The following FAM161A variants were observed in gnomAD, a reference collection of about 807,000 sequenced individuals.
FAM161A encodes the protein FAM161 centrosomal protein A.
In FAM161A, 57 loss-of-function variants were observed where a neutral mutation model predicts 70.9. The observed-to-expected ratio is 0.80, with a 90% confidence interval of 0.65 to 1.00. FAM161A has a LOEUF of 1.00. Among genes scored for constraint, FAM161A ranks in the 50% least tolerant of loss-of-function variants. FAM161A has a pLI of 0.00. For synonymous variants in FAM161A, 299 were observed against 295.7 expected, an observed-to-expected ratio of 1.01 and a Z score of -0.12; for missense variants, 880 against 836.0, an observed-to-expected ratio of 1.05 and a Z score of -0.65.
At chr2:61,811,593 G>C in the FAM161A span, among the ~76,000 whole-genome samples, 1 of 152,022 alleles carries the variant, frequency 6.6e-6, no homozygotes, top group Non-Finnish European at 1.5e-5. Flanking sequence ...GGTTGGTCTC[G>C]AACTCCTGAC....
intron 1 of FAM161A, among the ~76,000 whole-genome samples, chr2:61,850,744 C>G (rs1673470001): frequency 6.6e-6 from 1 of 152,064 alleles, no homozygotes. Context: ...GAGAGTGAAA[C>G]TCTGTCTCAA....
At chr2:61,836,939 G>C in intron 4 of FAM161A, 1 of 167,130 alleles carries the variant, frequency 6.0e-6, no homozygotes, top group Non-Finnish European at 1.4e-5. Flanking sequence ...AATCATGGCT[G>C]ACTGCAGCTT....
chr2:61,818,725 A>C, the FAM161A span, among the ~76,000 whole-genome samples: 1 of 152,256 alleles, frequency 6.6e-6, no homozygotes, highest in African/African-American at 2.4e-5. Flanking sequence ...TAATAGAATT[A>C]GAAAATGACC....
At chr2:61,853,721 C>T in intron 1 of FAM161A, 138 bp downstream of exon 1, 1 of 873,730 alleles carries the variant, frequency 1.1e-6, no homozygotes, top group African/African-American at 1.7e-5. Flanking sequence ...AGGGGCTGGG[C>T]CAGGACCACC....
chr2:61,818,339 A>G, the FAM161A span, among the ~76,000 whole-genome samples: 1 of 152,172 alleles, frequency 6.6e-6, no homozygotes, highest in African/African-American at 2.4e-5. Flanking sequence ...TACAGGTGTG[A>G]GCCACCGTCC....
chr2:61,848,575 T>A (rs1157961491), intron 1 of FAM161A, among the ~76,000 whole-genome samples: 1 of 151,670 alleles, frequency 6.6e-6, no homozygotes, highest in African/African-American at 2.4e-5. Flanking sequence ...GCTTGACCCA[T>A]TTAGATAATG....
Position 61,840,486 on chromosome 2 carries a change from G to A in FAM161A, c.518C>T (p.Ser173Phe), listed in dbSNP as rs1175957897. 2 of 1,614,012 alleles carry A rather than the reference G, an allele frequency of 1.2e-6. No individual in the cohort carries two copies. Among genetic ancestry groups the A allele is most frequent in the South Asian group, 1.1e-5 (1 of 91,078 alleles). Residue 173 changes from serine to phenylalanine, a missense_variant, in exon 3 of 7, where the codon TCC (serine) becomes TTC (phenylalanine). Physicochemically the swap from Ser to Phe is radical, Grantham distance 155. Coordinates refer to ENST00000404929, the MANE Select transcript of FAM161A (RefSeq NM_001201543.2). Reference protein sequence around the residue: ...LGQSSSLYVSSSEEELPNLEK... With the variant: ...LGQSSSLYVSFSEEELPNLEK... ...TAGGTTGGGTAACTCCTCTTCAGAGGAGGACACATACAAGGAGGAAGACTG... is the reference window on the plus strand; with the variant it reads ...TAGGTTGGGTAACTCCTCTTCAGAGAAGGACACATACAAGGAGGAAGACTG...
chr2:61,820,200 C>G, downstream of FAM161A: 1 of 556,468 alleles, frequency 1.8e-6, no homozygotes, highest in Non-Finnish European at 3.2e-6. Context: ...CCACTGCTGT[C>G]ATGTCTAAGT....
chr2:61,801,922 A>C, the FAM161A span, among the ~76,000 whole-genome samples: 1 of 152,032 alleles, frequency 6.6e-6, no homozygotes, highest in East Asian at 1.9e-4. Context: ...ATGTAATACA[A>C]CTTTAAAAAA....
the FAM161A span, among the ~76,000 whole-genome samples, chr2:61,808,448 A>G: frequency 4.6e-5 from 7 of 151,752 alleles, no homozygotes; most frequent in Non-Finnish European, 1.0e-4. Context: ...AATTCTTTGT[A>G]TTTTTAGTAG....
In FAM161A at chr2:61,826,403, C is replaced by T; in HGVS notation, c.*52G>A. ...TTCTAAACACAAATGCGGCTGCTGA[C>T]ACCCTGACGCTGCAAACAACAGCAA... On this transcript the variant is annotated 3_prime_UTR_variant, in exon 7 of 7. Transcript: ENST00000404929. The T allele has an allele frequency of 1.3e-6, 2 of 1,594,454 alleles. No homozygotes were observed. The highest frequency in any genetic ancestry group is 1.7e-5 in the Admixed American group (1 of 58,556).
chr2:61,847,412 C>A (rs559356254), intron 1 of FAM161A, among the ~76,000 whole-genome samples: 1 of 152,136 alleles, frequency 6.6e-6, no homozygotes. Flanking sequence ...TCACCATTGA[C>A]GTCCTACATA....
chr2:61,810,033 T>C, the FAM161A span, among the ~76,000 whole-genome samples: 2 of 152,204 alleles, frequency 1.3e-5, no homozygotes, highest in Non-Finnish European at 2.9e-5. Flanking sequence ...TTGTAGCCAC[T>C]GAGTAAGCCC....
downstream of FAM161A, chr2:61,824,774 A>G (rs538678742): frequency 1.3e-4 from 41 of 309,142 alleles, no homozygotes; most frequent in South Asian, 1.0e-3. Context: ...CAGGCTCCCA[A>G]TGAGCTAGGA....
the FAM161A span, among the ~76,000 whole-genome samples, chr2:61,811,063 T>C: frequency 0.5 from 75,980 of 151,990 alleles, 20,151 homozygotes; most frequent in African/African-American, 0.67. Context: ...TAATTTCTTC[T>C]ACACTCCACA....
At chr2:61,816,924 G>C in the FAM161A span, among the ~76,000 whole-genome samples, 1 of 152,154 alleles carries the variant, frequency 6.6e-6, no homozygotes, top group Non-Finnish European at 1.5e-5. Flanking sequence ...GGGGCCCCAA[G>C]CAGGCATTTT....
intron 1 of FAM161A, among the ~76,000 whole-genome samples, chr2:61,842,977 C>A (rs1349617199): frequency 2.0e-5 from 3 of 152,156 alleles, no homozygotes; most frequent in Non-Finnish European, 4.4e-5. Flanking sequence ...AGGGTAGCTG[C>A]TTCTGTGGGC....
chr2:61,828,939 T>A (rs1012966358), intron 5 of FAM161A, among the ~76,000 whole-genome samples: 2 of 152,146 alleles, frequency 1.3e-5, no homozygotes, highest in Admixed American at 6.5e-5. Flanking sequence ...CATGAGTGGA[T>A]CTGAACTGTT....
intron 1 of FAM161A, among the ~76,000 whole-genome samples, chr2:61,848,543 G>A (rs1240998788): frequency 6.6e-6 from 1 of 151,706 alleles, no homozygotes; most frequent in Non-Finnish European, 1.5e-5. Flanking sequence ...CACCAGATTA[G>A]AGGATAATCT....
Sources: gnomAD v4.1 joint callset for allele counts (sites outside exome capture counted in the v4.1 genomes callset) on GRCh38, gnomAD v4.1.1 for gene constraint, MANE v1.5 for transcripts, NCBI Gene and HGNC (gene_info 2026-07-23, HGNC 2026-07-21) for gene names.